The following SZT2 variants were observed in gnomAD, a reference collection of about 807,000 sequenced individuals.
SZT2 encodes KICSTOR complex protein SZT2.
Under a neutral mutation model 404.2 loss-of-function variants are expected in SZT2, and 216 were observed. The ratio of observed to expected loss-of-function variants is 0.53; its 90% CI spans 0.48 to 0.60. The LOEUF (loss-of-function observed/expected upper bound fraction) is 0.60. SZT2 is among the 20% of genes least tolerant of loss of function. SZT2 has a pLI of 0.00. For synonymous variants in SZT2, 1,693 were observed against 1,749.9 expected, an observed-to-expected ratio of 0.97 and a Z score of 0.81; for missense variants, 3,857 against 4,459.2, an observed-to-expected ratio of 0.86 and a Z score of 3.85.
chr1:43,435,256 C>T lies in SZT2; in HGVS notation c.5961C>T (p.Ala1987=), dbSNP rs1345212874. 6.2e-6 allele frequency: 10 copies of T among 1,614,058 alleles called. No individual in the cohort carries two copies. Among genetic ancestry groups the T allele is most frequent in the African/African-American group, 4.0e-5 (3 of 74,924 alleles). ...ACGTGTGTAACTCTCTTCTGGTGGC[C>T]GAGAGTGAAGAAGATCTGTGGCGCA... ...DSHVCNSLLV[A]ESEEDLWRSE... Residue 1987 remains alanine, a synonymous_variant, in exon 42 of 72, where the codon GCC becomes GCT. Transcript: ENST00000634258.
chr1:43,393,982 A>T (rs571216381), intron 1 of SZT2: 1 of 585,010 alleles, frequency 1.7e-6, no homozygotes, highest in Non-Finnish European at 2.2e-6. Context: ...CAAATGATAG[A>T]ATCAGATTTG....
At chr1:43,438,883 CT>C (rs767276950) in intron 47 of SZT2, 45 bp from the exon 48 acceptor site, 2 of 1,613,368 alleles carry the variant, frequency 1.2e-6, no homozygotes, top group South Asian at 2.2e-5. Context: ...ACAGTCTAGG[CT>C]GGAACTTCTG....
At position 43,451,750 on chromosome 1, in the gene SZT2, G is replaced by A. The variant is rs570873544; in HGVS notation, c.*1270G>A. ...AGAGGATACTACATTCCGAGACCCC[G>A]CAGGCCCCGCCCTCCTTCCGATCTG... is the stretch of plus-strand genomic sequence containing the variant. On this transcript the variant is annotated 3_prime_UTR_variant, in exon 72 of 72. Coordinates refer to ENST00000634258, the MANE Select transcript of SZT2 (RefSeq NM_001365999.1). The A allele has an allele frequency of 1.1e-5, 17 of 1,613,518 alleles. No homozygotes were observed. Among genetic ancestry groups the A allele is most frequent in the South Asian group, 4.4e-5 (4 of 91,072 alleles).
chr1:43,416,189 A>G, intron 6 of SZT2, 88 bp downstream of exon 6: 1 of 1,487,406 alleles, frequency 6.7e-7, no homozygotes, highest in Admixed American at 2.0e-5. Flanking sequence ...AGTTCCAGGG[A>G]ATCAGTGGGC....
rs1456377803 is a variant in SZT2, at chr1:43,422,245, G to A, written c.1769+20G>A. The A allele has an allele frequency of 7.7e-6, 12 of 1,561,802 alleles. No homozygotes were observed. Among genetic ancestry groups the A allele is most frequent in the Admixed American group, 6.9e-5 (4 of 58,208 alleles). On this transcript the variant is annotated intron_variant, in intron 12 of 71. Coordinates refer to ENST00000634258, the MANE Select transcript of SZT2 (RefSeq NM_001365999.1). ...TGACACGTGGGTGCCCTTAGGGCTGGGCCATAGTTGGGGTGGAGTATCGGG... is the reference window on the plus strand; with the variant it reads ...TGACACGTGGGTGCCCTTAGGGCTGAGCCATAGTTGGGGTGGAGTATCGGG...
rs77299197 is a variant in SZT2 at position 43,423,190 on chromosome 1, G to A, written c.2129G>A (p.Gly710Glu). 67 of 1,597,704 alleles carry A rather than the reference G, an allele frequency of 4.2e-5. No individual in the cohort carries two copies. The highest frequency in any genetic ancestry group is 5.6e-5 in the Non-Finnish European group (66 of 1,179,474). ...CCAACGCCCAAGGTGAAACGAAAAG[G>A]GCTAGGGGGTGCTGGTGGGGGCAGC... ...KEPTPKVKRKGLGGAGGGSSP... is the reference protein window; with the variant it reads ...KEPTPKVKRKELGGAGGGSSP... The change falls in exon 15 of 72, where the codon GGG becomes GAG. Residue 710 changes from glycine to glutamate, a missense_variant. Gly to Glu is a moderately conservative substitution (Grantham distance 98, BLOSUM62 -2). Around this residue, in one of 7 missense-constraint regions of SZT2, gnomAD observed 1,725 missense variants for 1,881.0 expected, o/e 0.92. Coordinates refer to ENST00000634258, the MANE Select transcript of SZT2 (RefSeq NM_001365999.1).
Position 43,422,587 on chromosome 1 carries a change from G to T in SZT2, c.1877G>T (p.Ser626Ile). ...SLTSLLRDWS[S>I]FVLVEGYSYV... ...ACCTCTCTGCTGCGGGACTGGAGCA[G>T]CTTCGTACTAGTCGAGGGCTATTCT... Residue 626 changes from serine (S) to isoleucine (I), a missense_variant, in exon 13 of 72, where the codon AGC becomes ATC. By Grantham distance (142) the Ser-to-Ile change is moderately radical. This residue lies in a region of SZT2 where 1,725 missense variants were observed against 1,881.0 expected (regional missense o/e 0.92). Coordinates refer to ENST00000634258, the MANE Select transcript of SZT2 (RefSeq NM_001365999.1). 6.3e-7 allele frequency: 1 copy of T among 1,598,104 alleles called. No homozygotes were observed. The highest frequency in any genetic ancestry group is 2.2e-5 in the East Asian group (1 of 44,846).
At position 43,447,848 on chromosome 1, in the gene SZT2, G is replaced by T. The variant is rs1655871627; in HGVS notation, c.9441-1G>T. The T allele has an allele frequency of 6.2e-7, 1 of 1,614,104 alleles. No individual in the cohort carries two copies. The highest frequency in any genetic ancestry group is 8.5e-7 in the Non-Finnish European group (1 of 1,180,018). On this transcript the variant is annotated splice_acceptor_variant, in intron 67 of 71. Transcript: ENST00000634258. LOFTEE classifies it high-confidence loss of function. ...ACATCTCCCCAACCCGTCCTGCACAGTTCTGGCTCCTACCTGGACTCTGAG... is the reference window on the plus strand; with the variant it reads ...ACATCTCCCCAACCCGTCCTGCACATTTCTGGCTCCTACCTGGACTCTGAG...
At chr1:43,434,593 G>T in intron 41 of SZT2, 108 bp downstream of exon 41, 1 of 1,061,738 alleles carries the variant, frequency 9.4e-7, no homozygotes, top group Non-Finnish European at 1.4e-6. Flanking sequence ...CAATAATTAT[G>T]GAAAGTTTTT....
chr1:43,405,732 T>C (rs1376965528), intron 4 of SZT2: 3 of 152,220 alleles, frequency 2.0e-5, no homozygotes, highest in East Asian at 1.9e-4. Flanking sequence ...GGACTATCAG[T>C]TGTGGGCTGC....
Position 43,452,922 on chromosome 1 carries a change from C to G in SZT2, c.*2442C>G. 1 of 1,606,664 alleles carries G rather than the reference C, an allele frequency of 6.2e-7. No homozygotes were observed. Among genetic ancestry groups the G allele is most frequent in the Non-Finnish European group, 8.5e-7 (1 of 1,177,296 alleles). On this transcript the variant is annotated 3_prime_UTR_variant, in exon 72 of 72. Coordinates refer to ENST00000634258, the MANE Select transcript of SZT2 (RefSeq NM_001365999.1). ...ACATACATGTCCAGCCTCAGGAACGCTGCCAAATACACCAGGCCTCCTCTT... is the reference window on the plus strand; with the variant it reads ...ACATACATGTCCAGCCTCAGGAACGGTGCCAAATACACCAGGCCTCCTCTT...
rs779932764 is a variant in SZT2, at chr1:43,442,070, G to A, written c.7813G>A (p.Glu2605Lys). The change falls in exon 56 of 72, where the codon GAG (glutamate) becomes AAG (lysine). Residue 2605 changes from glutamate to lysine, a missense_variant. Coordinates refer to ENST00000634258, the MANE Select transcript of SZT2 (RefSeq NM_001365999.1). The surrounding 1 kb of genome is among the most constrained non-coding windows in gnomAD (Gnocchi z 4.5). ...GGGCCCCTCTCCCCGCCCTGCAGCT[G>A]AGCGGCATCTGCTGCTTCTGGGAAG... ...QLGPSPRPAA[E>K]RHLLLLGRNF... 3.7e-6 allele frequency: 6 copies of A among 1,613,992 alleles called. No homozygotes were observed. The highest frequency in any genetic ancestry group is 1.3e-5 in the African/African-American group (1 of 74,902).
At chr1:43,402,724 A>G (rs1377571704) in intron 1 of SZT2, among the ~76,000 whole-genome samples, 4 of 152,184 alleles carry the variant, frequency 2.6e-5, no homozygotes, top group African/African-American at 9.7e-5. Flanking sequence ...AAGGCTTGCT[A>G]TTCCTTCGGT....
At chr1:43,433,523 C>T (rs558508759) in intron 40 of SZT2, among the ~76,000 whole-genome samples, 46 of 152,248 alleles carry the variant, frequency 3.0e-4, no homozygotes, top group African/African-American at 7.0e-4. Flanking sequence ...AGCTCATGCC[C>T]GTAATCCCAG....
At position 43,454,024 on chromosome 1, in the gene SZT2, G is replaced by A. The variant is rs1656767196; in HGVS notation, c.*3544G>A. On this transcript the variant is annotated 3_prime_UTR_variant, in exon 72 of 72. Transcript: ENST00000634258. The stretch of plus-strand genomic sequence containing the variant: ...CGAAGGGGCGGAGCGAGGGCGGCCG[G>A]AAAAGGAGCAGGACCCGCGCCTGGA... 8.6e-7 allele frequency: 1 copy of A among 1,166,532 alleles called. No homozygotes were observed. Among genetic ancestry groups the A allele is most frequent in the African/African-American group, 1.6e-5 (1 of 61,912 alleles). The allele number at this position is 1,166,532 out of a possible 1,614,324, so 72.3% of individuals were successfully genotyped here.
chr1:43,446,522 G>C, intron 65 of SZT2, 106 bp downstream of exon 65: 1 of 1,391,720 alleles, frequency 7.2e-7, no homozygotes, highest in Non-Finnish European at 1.0e-6. Flanking sequence ...TAGGCGGGCT[G>C]GCCCAGTGAT....
Position 43,423,311 on chromosome 1 carries a change from C to G in SZT2, c.2250C>G (p.Leu750=), listed in dbSNP as rs768167577. The G allele has an allele frequency of 6.5e-7, 1 of 1,538,288 alleles. No homozygotes were observed. The highest frequency in any genetic ancestry group is 1.2e-5 in the South Asian group (1 of 80,232). ...TGCATAAGCCACTGGACAAACTGCT[C>G]ATCAGGTTGGTACAGAGGTGTGGAA... is the stretch of plus-strand genomic sequence containing the variant. ...VVLHKPLDKL[L]IRYEKLPLDY... The change falls in exon 15 of 72, where the codon CTC becomes CTG. Residue 750 remains leucine, a synonymous_variant. Transcript: ENST00000634258.
Position 43,428,437 on chromosome 1 carries a change from G to C in SZT2, c.4117G>C (p.Glu1373Gln), listed in dbSNP as rs1557562026. The C allele has an allele frequency of 1.9e-6, 3 of 1,614,178 alleles. 1 individual carries two copies. The Admixed American group carries it at 5.0e-5, about 27-fold the overall frequency. Residue 1373 changes from glutamate (E) to glutamine (Q), a missense_variant, in exon 28 of 72, where the codon GAG becomes CAG. By Grantham distance (29) the Glu-to-Gln change is conservative (BLOSUM62 2). Transcript: ENST00000634258. ...LSPGPFSSSMEEGAEPRERAI... is the reference protein window; with the variant it reads ...LSPGPFSSSMQEGAEPRERAI... ...CCCTGGGCCCTTCAGCAGCAGCATG[G>C]AGGAGGGTGCTGAACCTCGGGAACG...
chr1:43,430,204 CTTGCCTT>C, intron 30 of SZT2, 100 bp from the exon 31 acceptor site: 1 of 1,571,488 alleles, frequency 6.4e-7, no homozygotes, highest in South Asian at 1.1e-5. Context: ...TGGCTCTTGT[CTTGCCTT>C]AGATCAAGCT....
Sources: allele counts gnomAD v4.1 joint callset (sites outside exome capture counted in the v4.1 genomes callset), GRCh38; gene constraint gnomAD v4.1.1; regional missense constraint gnomAD v4.1.1; non-coding constraint Gnocchi (gnomAD v3.1); transcripts MANE v1.5; gene names NCBI Gene and HGNC (gene_info 2026-07-23, HGNC 2026-07-21).